TSPAN9: variants seen among roughly 807,000 people sequenced by gnomAD.
TSPAN9 encodes the protein tetraspanin-9.
Under a neutral mutation model 31.0 loss-of-function variants are expected in TSPAN9, and 16 were observed. The ratio of observed to expected loss-of-function variants is 0.52; its 90% confidence interval spans 0.35 to 0.78. TSPAN9 has a LOEUF of 0.78. TSPAN9 is among the 30% of genes least tolerant of loss of function. The pLI is 0.01. For synonymous variants in TSPAN9, 145 were observed against 121.6 expected, an observed-to-expected ratio of 1.19 and a Z score of -1.27; for missense variants, 272 against 312.5, an observed-to-expected ratio of 0.87 and a Z score of 0.98.
chr12:3,142,975 C>T (rs2098335595), intron 2 of TSPAN9, among the ~76,000 whole-genome samples: 1 of 152,148 alleles, frequency 6.6e-6, no homozygotes, highest in Non-Finnish European at 1.5e-5. Context: ...CTTTCATGAC[C>T]TTGACAGTGG....
At chr12:3,116,377 C>G (rs767387190) in intron 2 of TSPAN9, among the ~76,000 whole-genome samples, 10 of 152,178 alleles carry the variant, frequency 6.6e-5, no homozygotes, top group Non-Finnish European at 1.0e-4. Flanking sequence ...TGGGTACCTA[C>G]CATGTGATGA....
intron 3 of TSPAN9, among the ~76,000 whole-genome samples, chr12:3,251,267 C>T (rs1246727189): frequency 2.0e-5 from 3 of 152,128 alleles, no homozygotes; most frequent in Admixed American, 6.5e-5. Context: ...CGCTGTGTGC[C>T]GCAGGCTGTT....
In TSPAN9 at chr12:3,280,269, C is replaced by CTGCCTTCCT; in HGVS notation, c.331-112_331-104dup. 1 of 954,430 alleles carries CTGCCTTCCT rather than the reference C, an allele frequency of 1.0e-6. No individual in the cohort carries two copies. Among genetic ancestry groups the CTGCCTTCCT allele is most frequent in the East Asian group, 2.6e-5 (1 of 38,880 alleles). 59.1% of individuals were successfully genotyped at this position (954,430 alleles called of 1,614,324 possible). A position where few individuals can be genotyped will look rare whatever the true frequency, so the allele number is the denominator to read the frequency against. ...GGGCCTTCCAGACCAGCTGCCTTCCCTGCCTTCCTCACTCCTCATCTGTCA... is the reference window on the plus strand; with the variant it reads ...GGGCCTTCCAGACCAGCTGCCTTCCCTGCCTTCCTTGCCTTCCTCACTCCTCATCTGTCA... On this transcript the variant is annotated intron_variant, in intron 5 of 8. Transcript: ENST00000011898. The surrounding 1 kb of genome is among the most constrained non-coding windows in gnomAD (Gnocchi z 4.5).
intron 2 of TSPAN9, among the ~76,000 whole-genome samples, chr12:3,169,982 C>G (rs1257071612): frequency 6.8e-6 from 1 of 146,014 alleles, no homozygotes; most frequent in African/African-American, 2.6e-5. Flanking sequence ...AGGAAAGAGC[C>G]CTGATGGAGG....
At chr12:3,118,576 C>T (rs1454305322) in intron 2 of TSPAN9, among the ~76,000 whole-genome samples, 2 of 151,578 alleles carry the variant, frequency 1.3e-5, no homozygotes, top group East Asian at 3.9e-4. Context: ...CCTCTCTGCT[C>T]TTTTTTTTAA....
intron 2 of TSPAN9, among the ~76,000 whole-genome samples, chr12:3,109,305 AGAGTGT>A (rs1157669770): frequency 7.8e-6 from 1 of 128,016 alleles, no homozygotes; most frequent in Non-Finnish European, 1.5e-5. Context: ...TGTGTGAGAG[AGAGTGT>A]GTGTGTGTGT....
intron 3 of TSPAN9, among the ~76,000 whole-genome samples, chr12:3,233,974 C>T (rs1263400395): frequency 6.6e-6 from 1 of 152,154 alleles, no homozygotes; most frequent in Non-Finnish European, 1.5e-5. Flanking sequence ...TCTCGGAGCC[C>T]CCACAGGCTG....
At chr12:3,176,275 A>G (rs1190659882) in intron 2 of TSPAN9, among the ~76,000 whole-genome samples, 2 of 152,198 alleles carry the variant, frequency 1.3e-5, no homozygotes, top group African/African-American at 2.4e-5. Flanking sequence ...CAGCGATTGG[A>G]GAAGAGAAGG....
chr12:3,233,097 G>C (rs1232782253), intron 3 of TSPAN9, among the ~76,000 whole-genome samples: 1 of 152,188 alleles, frequency 6.6e-6, no homozygotes, highest in East Asian at 1.9e-4. Flanking sequence ...CAGAGAACTT[G>C]AGACTTTGCT....
At chr12:3,095,533 G>A (rs1276264463) in intron 2 of TSPAN9, among the ~76,000 whole-genome samples, 1,675 of 118,952 alleles carry the variant, frequency 0.014, 105 homozygotes, top group African/African-American at 0.055. Flanking sequence ...CGGACGGGGC[G>A]GCTGGCCGGG....
chr12:3,247,396 A>T (rs1591704063), intron 3 of TSPAN9, among the ~76,000 whole-genome samples: 2 of 148,012 alleles, frequency 1.4e-5, no homozygotes, highest in Admixed American at 1.4e-4. Flanking sequence ...ATGGGACCTA[A>T]AGATGTCTGG....
intron 2 of TSPAN9, among the ~76,000 whole-genome samples, chr12:3,102,995 T>A (rs755087345): frequency 6.6e-6 from 1 of 152,170 alleles, no homozygotes; most frequent in African/African-American, 2.4e-5. Flanking sequence ...TGCTGTTAGG[T>A]GGGAGAGCCT....
chr12:3,089,880 T>A (rs1327932283), intron 2 of TSPAN9, among the ~76,000 whole-genome samples: 1 of 152,150 alleles, frequency 6.6e-6, no homozygotes, highest in African/African-American at 2.4e-5. Context: ...TACTCCAGCC[T>A]GGGCAACAGA....
intron 2 of TSPAN9, among the ~76,000 whole-genome samples, chr12:3,088,891 T>A (rs10774113): frequency 6.6e-6 from 1 of 151,756 alleles, no homozygotes; most frequent in Non-Finnish European, 1.5e-5. Flanking sequence ...GGGAGGCTGG[T>A]GGTGGGAGCC....
intron 2 of TSPAN9, among the ~76,000 whole-genome samples, chr12:3,155,700 A>G (rs1378237435): frequency 6.6e-6 from 1 of 151,964 alleles, no homozygotes; most frequent in Non-Finnish European, 1.5e-5. Context: ...TGAAGCATGG[A>G]GTTGGAACTG....
intron 2 of TSPAN9, among the ~76,000 whole-genome samples, chr12:3,197,692 G>A (rs574250533): frequency 6.7e-6 from 1 of 149,304 alleles, no homozygotes; most frequent in Non-Finnish European, 1.5e-5. Context: ...CACCAGCACA[G>A]GTCACACCAG....
intron 3 of TSPAN9, among the ~76,000 whole-genome samples, chr12:3,272,278 G>A (rs945840552): frequency 4.6e-5 from 7 of 152,148 alleles, no homozygotes; most frequent in African/African-American, 7.2e-5. Flanking sequence ...TGGGGAAGAC[G>A]GGGTGAAGAG....
intron 2 of TSPAN9, among the ~76,000 whole-genome samples, chr12:3,139,045 C>A (rs930267154): frequency 6.6e-6 from 1 of 152,104 alleles, no homozygotes; most frequent in Admixed American, 6.5e-5. Flanking sequence ...CCTCCCTACA[C>A]GCTGTGCCCC....
intron 2 of TSPAN9, among the ~76,000 whole-genome samples, chr12:3,111,768 C>T (rs538267636): frequency 3.9e-4 from 60 of 152,158 alleles, no homozygotes; most frequent in African/African-American, 1.4e-3. Flanking sequence ...TGTAATTCCA[C>T]ACCTGGCTAA....
Sources: gnomAD v4.1 joint callset for allele counts (sites outside exome capture counted in the v4.1 genomes callset) on GRCh38, gnomAD v4.1.1 for gene constraint, Gnocchi (gnomAD v3.1) non-coding constraint, MANE v1.5 for transcripts, NCBI Gene and HGNC (gene_info 2026-07-23, HGNC 2026-07-21) for gene names.